Variants in ALPL observed in about 807,000 individuals in gnomAD.
ALPL encodes alkaline phosphatase, tissue-nonspecific isozyme.
In ALPL, 42 loss-of-function variants were observed where a neutral mutation model predicts 51.3. The observed-to-expected ratio is 0.82, with a 90% confidence interval of 0.64 to 1.06. The LOEUF (loss-of-function observed/expected upper bound fraction) is 1.06. ALPL is among the 50% of genes least tolerant of loss of function. The pLI, the probability that ALPL is intolerant of heterozygous loss-of-function variation, is 0.00. For missense variants in ALPL, 589 were observed against 709.4 expected, an observed-to-expected ratio of 0.83 and a Z score of 1.93; for synonymous variants, 279 against 296.4, an observed-to-expected ratio of 0.94 and a Z score of 0.60.
chr1:21,570,893 C>G (rs1644638193), intron 8 of ALPL, among the ~76,000 whole-genome samples: 1 of 152,214 alleles, frequency 6.6e-6, no homozygotes, highest in Non-Finnish European at 1.5e-5. Flanking sequence ...ATGCAGCTAT[C>G]CGGGTTTTCT....
rs766575227 is a variant in ALPL at position 21,570,292 on chromosome 1, C to T, written c.793-13C>T. The T allele has an allele frequency of 1.9e-6, 3 of 1,613,926 alleles. No individual in the cohort carries two copies. The highest frequency in any genetic ancestry group is 1.1e-5 in the South Asian group (1 of 91,074). On this transcript the variant is annotated splice_polypyrimidine_tract_variant and intron_variant, in intron 7 of 11. Transcript: ENST00000374840. ...TAGCCCCCGGCATGTGCTGACACAG[C>T]CCTTCCTCCTAGCACTCCCACTTCA...
At chr1:21,521,459 A>G (rs1272727767) in intron 1 of ALPL, among the ~76,000 whole-genome samples, 5 of 152,256 alleles carry the variant, frequency 3.3e-5, no homozygotes, top group Non-Finnish European at 2.9e-5. Context: ...TGCTGGGATT[A>G]CAACAGCCCA....
rs940012694 is a variant in ALPL, at chr1:21,561,215, G to A, written c.297+3G>A. 21 of 1,602,256 alleles carry A rather than the reference G, an allele frequency of 1.3e-5. No homozygotes were observed. Among genetic ancestry groups the A allele is most frequent in the South Asian group, 2.2e-5 (2 of 89,072 alleles). On this transcript the variant is annotated splice_donor_region_variant and intron_variant, in intron 4 of 11. Coordinates refer to ENST00000374840, the MANE Select transcript of ALPL (RefSeq NM_000478.6). ...TCCCCTTCGTGGCCCTCTCCAAGGT[G>A]AGCCCCATCCCCAAGCCCAGTTCAG...
chr1:21,568,740 T>C (rs1644604705), intron 7 of ALPL, among the ~76,000 whole-genome samples: 3 of 151,900 alleles, frequency 2.0e-5, no homozygotes, highest in Non-Finnish European at 2.9e-5. Context: ...TTGGCCCCAG[T>C]GTGCAAGCCA....
chr1:21,571,438 C>T (rs1259173769), intron 8 of ALPL, among the ~76,000 whole-genome samples: 2 of 151,824 alleles, frequency 1.3e-5, no homozygotes, highest in African/African-American at 4.8e-5. Context: ...TTTGGGAGGC[C>T]GAGGTGGGCG....
At position 21,551,733 on chromosome 1, in the gene ALPL, T is replaced by G. The variant is rs6690279; in HGVS notation, c.-104-2245T>G. Among the ~76,000 whole-genome samples, 101 of 138,496 alleles carry G rather than the reference T, an allele frequency of 7.3e-4. 1 individual carries two copies. The highest frequency in any genetic ancestry group is 2.6e-3 in the African/African-American group (96 of 37,564). The allele number at this position is 138,496 out of a possible 152,430, so 90.9% of individuals were successfully genotyped here. A position where few individuals can be genotyped will look rare whatever the true frequency, so the allele number is the denominator to read the frequency against. On this transcript the variant is annotated intron_variant, in intron 1 of 11. Transcript: ENST00000374840. ...CAGCTTGCGTGGTTTTTTTTTTTTT[T>G]TTTTTTTTTTTTGAGACAGAGTCTC...
intron 6 of ALPL, among the ~76,000 whole-genome samples, chr1:21,567,552 G>A (rs1298059432): frequency 6.6e-6 from 1 of 152,218 alleles, no homozygotes; most frequent in Non-Finnish European, 1.5e-5. Flanking sequence ...CACCGTGGGA[G>A]AGGAGGCTCT....
rs931481478 is a variant in ALPL at position 21,578,113 on chromosome 1, C to T, written c.*465C>T. Reference sequence around the variant, plus strand: ...TGTCCCTGTCCCCAGGCCCAGCCCTCCTTCAGGGGAGTTGAGGTCTTTCTC... The same window carrying T: ...TGTCCCTGTCCCCAGGCCCAGCCCTTCTTCAGGGGAGTTGAGGTCTTTCTC... On this transcript the variant is annotated 3_prime_UTR_variant, in exon 12 of 12. Coordinates refer to ENST00000374840, the MANE Select transcript of ALPL (RefSeq NM_000478.6). This position sits in a 1 kb window ranked among gnomAD's most constrained non-coding sequence, Gnocchi z 4.2. The T allele has an allele frequency of 5.6e-6, 1 of 177,624 alleles. No homozygotes were observed. The highest frequency in any genetic ancestry group is 5.4e-5 in the Admixed American group (1 of 18,400). 11.0% of individuals were successfully genotyped at this position (177,624 alleles called of 1,614,324 possible). A position where few individuals can be genotyped will look rare whatever the true frequency, so the allele number is the denominator to read the frequency against.
At position 21,564,471 on chromosome 1, in the gene ALPL, T is replaced by C. The variant is rs953139970; in HGVS notation, c.648+255T>C. On this transcript the variant is annotated intron_variant, in intron 6 of 11. Coordinates refer to ENST00000374840, the MANE Select transcript of ALPL (RefSeq NM_000478.6). This position sits in a 1 kb window ranked among gnomAD's most constrained non-coding sequence, Gnocchi z 5.8. ...AACCAGGCATCCAGGGATGATTCCATAAATTGAAACCTGGTGCTGTGCCCT... is the reference window on the plus strand; with the variant it reads ...AACCAGGCATCCAGGGATGATTCCACAAATTGAAACCTGGTGCTGTGCCCT... Among the ~76,000 whole-genome samples the C allele has an allele frequency of 1.3e-5, 2 of 152,172 alleles. No individual in the cohort carries two copies. Among genetic ancestry groups the C allele is most frequent in the Non-Finnish European group, 2.9e-5 (2 of 68,016 alleles).
rs1558543662 is a variant in ALPL, at chr1:21,554,796, TCTGTCTGTCTG to T, written c.61+655_61+665del. On this transcript the variant is annotated intron_variant, in intron 2 of 11. Transcript: ENST00000374840. ...TGAGCCACCGCGCCTGGCCTGTCTGTCTGTCTGTCTGTCTGTCTGTCTTTCTTTCTTTCTTT... is the reference window on the plus strand; with the variant it reads ...TGAGCCACCGCGCCTGGCCTGTCTGTTCTGTCTGTCTTTCTTTCTTTCTTT... 3.6e-3 allele frequency among the ~76,000 whole-genome samples: 141 copies of T among 39,388 alleles called. 5 individuals carry two copies. Among genetic ancestry groups the T allele is most frequent in the African/African-American group, 0.017 (129 of 7,800 alleles). 25.8% of individuals were successfully genotyped at this position (39,388 alleles called of 152,430 possible).
At chr1:21,554,837 C>CT (rs986995727) in intron 2 of ALPL, among the ~76,000 whole-genome samples, 3 of 134,994 alleles carry the variant, frequency 2.2e-5, no homozygotes, top group African/African-American at 5.4e-5. Flanking sequence ...TTCTTTCTTT[C>CT]TTTCTTTCTT....
rs1186366364 is a variant in ALPL at position 21,560,684 on chromosome 1, C to T, written c.120C>T (p.Ala40=). The change falls in exon 3 of 12, where the codon GCC becomes GCT. Residue 40 remains alanine (A), a synonymous_variant. Transcript: ENST00000374840. ...AAGCGCAAGAGACACTGAAATATGC[C>T]CTGGAGCTTCAGAAGCTCAACACCA... ...RDQAQETLKY[A]LELQKLNTNV... The T allele has an allele frequency of 6.2e-7, 1 of 1,614,090 alleles. No homozygotes were observed. Among genetic ancestry groups the T allele is most frequent in the Non-Finnish European group, 8.5e-7 (1 of 1,180,010 alleles).
intron 1 of ALPL, among the ~76,000 whole-genome samples, chr1:21,521,321 A>G (rs1643881186): frequency 6.6e-6 from 1 of 151,998 alleles, no homozygotes; most frequent in Admixed American, 6.6e-5. Context: ...AGTAGCTGGG[A>G]TTACAGGTGC....
rs1644770892 is a variant in ALPL at position 21,578,351 on chromosome 1, G to A, written c.*703G>A. ...AAAAAAAATTTTTTTTTCTCTTTTT[G>A]GTGGTGGTTAAAAGGGAACACAAAA... On this transcript the variant is annotated 3_prime_UTR_variant, in exon 12 of 12. Coordinates refer to ENST00000374840, the MANE Select transcript of ALPL (RefSeq NM_000478.6). This position sits in a 1 kb window ranked among gnomAD's most constrained non-coding sequence, Gnocchi z 4.2. 1 of 152,412 alleles carries A rather than the reference G, an allele frequency of 6.6e-6. No individual in the cohort carries two copies. The highest frequency in any genetic ancestry group is 2.1e-4 in the South Asian group (1 of 4,826). 9.4% of individuals were successfully genotyped at this position (152,412 alleles called of 1,614,324 possible).
intron 5 of ALPL, among the ~76,000 whole-genome samples, chr1:21,563,681 G>A (rs1410183853): frequency 6.6e-6 from 1 of 152,172 alleles, no homozygotes; most frequent in African/African-American, 2.4e-5. Context: ...CTTTAGTCAG[G>A]GGCCAAGGCC....
intron 2 of ALPL, among the ~76,000 whole-genome samples, chr1:21,556,478 GAAAC>G (rs948155798): frequency 9.9e-5 from 15 of 151,684 alleles, no homozygotes; most frequent in Admixed American, 2.0e-4. Context: ...TCCATCTCTA[GAAAC>G]AAACAAACAA....
chr1:21,576,571 C>A lies in ALPL; in HGVS notation c.1239C>A (p.Ile413=). Residue 413 remains isoleucine, a synonymous_variant, in exon 11 of 12, where the codon ATC becomes ATA. Coordinates refer to ENST00000374840, the MANE Select transcript of ALPL (RefSeq NM_000478.6). ...SDTDKKPFTA[I]LYGNGPGYKV... ...CAGACAAGAAGCCCTTCACTGCCAT[C>A]CTGTATGGCAATGGGCCTGGCTACA... 2 of 1,613,974 alleles carry A rather than the reference C, an allele frequency of 1.2e-6. No individual in the cohort carries two copies. The highest frequency in any genetic ancestry group is 1.7e-6 in the Non-Finnish European group (2 of 1,179,936).
intron 1 of ALPL, among the ~76,000 whole-genome samples, chr1:21,511,802 C>A (rs1034182124): frequency 6.6e-6 from 1 of 152,228 alleles, no homozygotes; most frequent in Non-Finnish European, 1.5e-5. Context: ...TGTTCTGTCC[C>A]ATGACTTACA....
chr1:21,563,985 C>A, intron 5 of ALPL, 56 bp from the exon 6 acceptor site: 1 of 1,602,156 alleles, frequency 6.2e-7, no homozygotes, highest in Non-Finnish European at 8.5e-7. Context: ...AGGGAGGAGG[C>A]CTCTGGGACA....
Sources: gnomAD v4.1 joint callset for allele counts (sites outside exome capture counted in the v4.1 genomes callset) on GRCh38, gnomAD v4.1.1 for gene constraint, Gnocchi (gnomAD v3.1) non-coding constraint, MANE v1.5 for transcripts, NCBI Gene and HGNC (gene_info 2026-07-23, HGNC 2026-07-21) for gene names.